POFUT1: variants seen among roughly 807,000 people sequenced by gnomAD.
POFUT1 encodes the protein protein O-fucosyltransferase 1, also known as GDP-fucose protein O-fucosyltransferase 1.
Under a neutral mutation model 42.4 loss-of-function variants are expected in POFUT1, and 16 were observed. That is an observed-to-expected ratio of 0.38 (90% confidence interval 0.26 to 0.57). The LOEUF is 0.57. Ranked by LOEUF, POFUT1 falls within the 20% of genes least tolerant of loss-of-function variation. The probability of loss-of-function intolerance (pLI) is 0.71; values close to 1 mark genes in which losing one functional copy is unlikely to be tolerated. For synonymous variants in POFUT1, 206 were observed against 205.4 expected, an observed-to-expected ratio of 1.00 and a Z score of -0.03; for missense variants, 470 against 504.6, an observed-to-expected ratio of 0.93 and a Z score of 0.66.
Position 32,234,631 on chromosome 20 carries a change from C to CA in POFUT1, c.1138dup (p.Arg380LysfsTer4), listed in dbSNP as rs1340095725. ...GGCCGTCTTCTTTCTTCGGCATGGA[C>CA]AGGCCCCCTAAGCTGCGGGACGAGT... is the stretch of plus-strand genomic sequence containing the variant. On this transcript the variant is annotated frameshift_variant, in exon 7 of 7. Coordinates refer to ENST00000375749, the MANE Select transcript of POFUT1 (RefSeq NM_015352.2). LOFTEE classifies it high-confidence loss of function. 1.9e-6 allele frequency: 3 copies of CA among 1,612,674 alleles called. No individual in the cohort carries two copies. The highest frequency in any genetic ancestry group is 2.5e-6 in the Non-Finnish European group (3 of 1,179,276).
At chr20:32,222,824 C>G in intron 4 of POFUT1, 2 of 985,444 alleles carry the variant, frequency 2.0e-6, no homozygotes, top group Non-Finnish European at 2.4e-6. Context: ...TCGTGCCAAA[C>G]CATTCTCAGG....
Position 32,236,146 on chromosome 20 carries a change from G to A in POFUT1, c.*1485G>A, listed in dbSNP as rs1406567267. On this transcript the variant is annotated 3_prime_UTR_variant, in exon 7 of 7. Transcript: ENST00000375749. ...TAAGTCCTGGGTGGACTGAGAGATGGTTTGCCTGTCCAGACTTGCTCTCAA... is the reference window on the plus strand; with the variant it reads ...TAAGTCCTGGGTGGACTGAGAGATGATTTGCCTGTCCAGACTTGCTCTCAA... The A allele has an allele frequency of 1.3e-5, 2 of 152,258 alleles. No individual in the cohort carries two copies. Among genetic ancestry groups the A allele is most frequent in the African/African-American group, 4.8e-5 (2 of 41,456 alleles). The allele number at this position is 152,258 out of a possible 1,614,324, so 9.4% of individuals were successfully genotyped here.
At chr20:32,228,806 G>A (rs1184514848) in intron 5 of POFUT1, among the ~76,000 whole-genome samples, 1 of 152,206 alleles carries the variant, frequency 6.6e-6, no homozygotes, top group African/African-American at 2.4e-5. Flanking sequence ...TTGAAAAACT[G>A]ACTGTGGAGA....
At position 32,236,138 on chromosome 20, in the gene POFUT1, G is replaced by A. The variant is rs1278151390; in HGVS notation, c.*1477G>A. 2 of 152,286 alleles carry A rather than the reference G, an allele frequency of 1.3e-5. No individual in the cohort carries two copies. Among genetic ancestry groups the A allele is most frequent in the Non-Finnish European group, 2.9e-5 (2 of 68,074 alleles). 9.4% of individuals were successfully genotyped at this position (152,286 alleles called of 1,614,324 possible). A position where few individuals can be genotyped will look rare whatever the true frequency, so the allele number is the denominator to read the frequency against. On this transcript the variant is annotated 3_prime_UTR_variant, in exon 7 of 7. Coordinates refer to ENST00000375749, the MANE Select transcript of POFUT1 (RefSeq NM_015352.2). ...AAGTGTTTTAAGTCCTGGGTGGACTGAGAGATGGTTTGCCTGTCCAGACTT... is the reference window on the plus strand; with the variant it reads ...AAGTGTTTTAAGTCCTGGGTGGACTAAGAGATGGTTTGCCTGTCCAGACTT...
Position 32,207,937 on chromosome 20 carries a change from C to T in POFUT1, c.-5C>T. 1.3e-6 allele frequency: 2 copies of T among 1,583,298 alleles called. No individual in the cohort carries two copies. The highest frequency in any genetic ancestry group is 8.5e-7 in the Non-Finnish European group (1 of 1,173,366). ...GCCGCGGCTGGCTCGGGTTCCCGGG[C>T]CGACATGGGCGCCGCCGCGTGGGCA... is the stretch of plus-strand genomic sequence containing the variant. On this transcript the variant is annotated 5_prime_UTR_variant, in exon 1 of 7. Transcript: ENST00000375749.
chr20:32,228,635 G>A (rs1297244710), intron 5 of POFUT1, among the ~76,000 whole-genome samples, 180 bp downstream of exon 5: 1 of 152,234 alleles, frequency 6.6e-6, no homozygotes, highest in African/African-American at 2.4e-5. Context: ...CAGAGTGCCT[G>A]CCAGCCAGGT....
chr20:32,222,732 G>A (rs1210125483), intron 4 of POFUT1: 6 of 985,318 alleles, frequency 6.1e-6, no homozygotes, highest in Admixed American at 6.1e-5. Context: ...AGCTCTGCTC[G>A]TTCTGAGCCT....
chr20:32,234,647 C>A lies in POFUT1; in HGVS notation c.1153C>A (p.Arg385=). 1 of 1,608,350 alleles carries A rather than the reference C, an allele frequency of 6.2e-7. No homozygotes were observed. The stretch of plus-strand genomic sequence containing the variant: ...CGGCATGGACAGGCCCCCTAAGCTG[C>A]GGGACGAGTTCTGATTCTGGCCGGA... The part of the protein sequence containing the change: ...FFGMDRPPKL[R]DEF Residue 385 remains arginine (R), a synonymous_variant, in exon 7 of 7, where the codon CGG becomes AGG. Transcript: ENST00000375749.
At chr20:32,209,637 T>C (rs1401454213) in intron 1 of POFUT1, among the ~76,000 whole-genome samples, 1 of 151,980 alleles carries the variant, frequency 6.6e-6, no homozygotes, top group South Asian at 2.1e-4. Flanking sequence ...TTGAGGAAAA[T>C]TGAAGAACTG....
In POFUT1 at chr20:32,224,409, A is replaced by G. The variant is rs369200992; in HGVS notation, c.543-3854A>G. ...TCCATCTCAAAAAAAAAAGGAAAGA[A>G]AACTAGAGTCTAGCAAGATAAGTGT... On this transcript the variant is annotated intron_variant, in intron 4 of 6. Transcript: ENST00000375749. Among the ~76,000 whole-genome samples the G allele has an allele frequency of 7.2e-5, 11 of 152,258 alleles. No individual in the cohort carries two copies. In the East Asian group the frequency reaches 1.5e-3, roughly 21 times the overall value.
At chr20:32,233,627 G>T (rs775867863) in intron 6 of POFUT1, among the ~76,000 whole-genome samples, 2 of 152,204 alleles carry the variant, frequency 1.3e-5, no homozygotes, top group Non-Finnish European at 2.9e-5. Context: ...GGGGACCAGG[G>T]AGAGGCTGTT....
intron 1 of POFUT1, among the ~76,000 whole-genome samples, chr20:32,209,424 G>A (rs1191848409): frequency 6.6e-6 from 1 of 152,228 alleles, no homozygotes; most frequent in East Asian, 1.9e-4. Context: ...TAGGGGCAGA[G>A]GCCTTGTCCT....
intron 2 of POFUT1, among the ~76,000 whole-genome samples, chr20:32,212,402 A>C (rs1001758306): frequency 1.3e-5 from 2 of 151,544 alleles, no homozygotes; most frequent in Non-Finnish European, 2.9e-5. Flanking sequence ...AGTAGCTGGG[A>C]TTACAGGCAC....
At chr20:32,221,009 C>T (rs145253919) in intron 4 of POFUT1, among the ~76,000 whole-genome samples, 2 of 152,194 alleles carry the variant, frequency 1.3e-5, no homozygotes, top group African/African-American at 4.8e-5. Context: ...TCACTTCTGT[C>T]GGGTGCTATT....
intron 3 of POFUT1, among the ~76,000 whole-genome samples, chr20:32,215,866 T>A (rs1014899287): frequency 6.6e-6 from 1 of 152,218 alleles, no homozygotes; most frequent in African/African-American, 2.4e-5. Flanking sequence ...AAAATACTTA[T>A]AATATCCCCA....
intron 4 of POFUT1, among the ~76,000 whole-genome samples, chr20:32,224,876 T>A (rs552287728): frequency 6.6e-6 from 1 of 152,350 alleles, no homozygotes; most frequent in Non-Finnish European, 1.5e-5. Context: ...TACAACCACA[T>A]GATCCACATG....
chr20:32,221,780 A>T (rs988934165), intron 4 of POFUT1, among the ~76,000 whole-genome samples: 2 of 152,036 alleles, frequency 1.3e-5, no homozygotes, highest in African/African-American at 4.8e-5. Context: ...CCAGGGGCTC[A>T]ATTCTTCCTC....
chr20:32,232,224 C>T (rs959879443), intron 6 of POFUT1, among the ~76,000 whole-genome samples: 5 of 152,046 alleles, frequency 3.3e-5, no homozygotes, highest in Non-Finnish European at 7.3e-5. Context: ...TGCCTGTAAT[C>T]CCAGGCCAAG....
chr20:32,232,560 AT>A (rs1473700543), intron 6 of POFUT1, among the ~76,000 whole-genome samples: 2 of 152,152 alleles, frequency 1.3e-5, no homozygotes, highest in Non-Finnish European at 2.9e-5. Context: ...AACTGGTATT[AT>A]TTCTTTGCTA....
Sources: allele counts gnomAD v4.1 joint callset (sites outside exome capture counted in the v4.1 genomes callset), GRCh38; gene constraint gnomAD v4.1.1; transcripts MANE v1.5; gene names NCBI Gene and HGNC (gene_info 2026-07-23, HGNC 2026-07-21).